DLGAP2: variants seen among roughly 807,000 people sequenced by gnomAD.
The protein encoded by DLGAP2 is disks large-associated protein 2.
DLGAP2 carries 26 observed loss-of-function variants against 100.3 expected under a neutral mutation model. The ratio of observed to expected loss-of-function variants is 0.26; its 90% CI spans 0.19 to 0.36. DLGAP2 has a LOEUF of 0.36. Ranked by LOEUF, DLGAP2 falls within the 10% of genes least tolerant of loss-of-function variation. The pLI, the probability that DLGAP2 is intolerant of heterozygous loss-of-function variation, is 1.00. For synonymous variants in DLGAP2, 886 were observed against 630.1 expected (o/e 1.41, Z -6.08); for missense variants, 1,858 against 1,453.2 (o/e 1.28, Z -4.53).
chr8:1,318,778 G>GCCCCCC (rs34614425), intron 3 of DLGAP2, among the ~76,000 whole-genome samples: 1 of 105,574 alleles, frequency 9.5e-6, no homozygotes, highest in Non-Finnish European at 1.8e-5. Context: ...TCAGTGATCA[G>GCCCCCC]CCCCCCCCCC....
chr8:1,248,981 G>A (rs1321829090), intron 2 of DLGAP2, among the ~76,000 whole-genome samples: 14 of 152,176 alleles, frequency 9.2e-5, no homozygotes, highest in Admixed American at 9.2e-4. Context: ...CAGCCACAAT[G>A]TAAGAGCAGG....
chr8:1,288,430 A>AGT lies in DLGAP2; in HGVS notation c.106+29567_106+29568dup, dbSNP rs1239357278. Among the ~76,000 whole-genome samples, 38 of 105,642 alleles carry AGT rather than the reference A, an allele frequency of 3.6e-4. 1 individual carries two copies. Among genetic ancestry groups the AGT allele is most frequent in the East Asian group, 2.2e-3 (7 of 3,170 alleles). The allele number at this position is 105,642 out of a possible 152,430, so 69.3% of individuals were successfully genotyped here. On this transcript the variant is annotated intron_variant, in intron 3 of 14. Coordinates refer to ENST00000637795, the MANE Select transcript of DLGAP2 (RefSeq NM_001346810.2). ...TTAGGAGGGGAACTTGTTTTGGTTCAGTGTGTGTGTGTGTGTGTGTGGTTC... is the reference window on the plus strand; with the variant it reads ...TTAGGAGGGGAACTTGTTTTGGTTCAGTGTGTGTGTGTGTGTGTGTGTGGTTC...
chr8:1,146,855 A>G (rs1452204768), intron 2 of DLGAP2, among the ~76,000 whole-genome samples: 9 of 152,218 alleles, frequency 5.9e-5, no homozygotes, highest in Non-Finnish European at 1.2e-4. Context: ...TATTAGAACC[A>G]TTGATCTCTT....
intron 1 of DLGAP2, among the ~76,000 whole-genome samples, chr8:804,727 G>A (rs1005857611): frequency 2.0e-5 from 3 of 152,080 alleles, no homozygotes; most frequent in Admixed American, 1.3e-4. Flanking sequence ...TCCAGCAAGG[G>A]CACTGGTTGT....
chr8:1,455,341 G>A (rs1798280408), intron 3 of DLGAP2, among the ~76,000 whole-genome samples: 1 of 152,250 alleles, frequency 6.6e-6, no homozygotes. Context: ...TTTCCCGATG[G>A]TGGGGCCAAG....
chr8:905,133 A>C (rs959771361), intron 1 of DLGAP2, among the ~76,000 whole-genome samples: 4 of 152,072 alleles, frequency 2.6e-5, no homozygotes, highest in Non-Finnish European at 5.9e-5. Context: ...TCTACCCTGG[A>C]AGGTTGATGA....
At chr8:1,296,509 G>T in intron 3 of DLGAP2, among the ~76,000 whole-genome samples, 1 of 149,274 alleles carries the variant, frequency 6.7e-6, no homozygotes, top group East Asian at 2.0e-4. Context: ...CTTGGTGCTC[G>T]TGCTGATCTT....
chr8:1,337,716 C>G (rs1182796634), intron 3 of DLGAP2, among the ~76,000 whole-genome samples: 1 of 152,124 alleles, frequency 6.6e-6, no homozygotes, highest in Non-Finnish European at 1.5e-5. Flanking sequence ...TTATTGACAT[C>G]TTTCGTGCTT....
At chr8:1,505,900 C>G (rs1271404541) in intron 4 of DLGAP2, among the ~76,000 whole-genome samples, 1 of 152,082 alleles carries the variant, frequency 6.6e-6, no homozygotes, top group Non-Finnish European at 1.5e-5. Flanking sequence ...TATATTGACC[C>G]AAATTTTGCA....
intron 1 of DLGAP2, among the ~76,000 whole-genome samples, chr8:896,376 A>G (rs1798141874): frequency 1.4e-5 from 2 of 143,936 alleles, no homozygotes; most frequent in Admixed American, 1.4e-4. Flanking sequence ...TGCCAGTTCC[A>G]CCTGGCACCC....
chr8:1,149,305 C>A (rs1796658340), intron 2 of DLGAP2, among the ~76,000 whole-genome samples: 1 of 152,102 alleles, frequency 6.6e-6, no homozygotes, highest in African/African-American at 2.4e-5. Context: ...GCCACCGCAC[C>A]CGGCTAATTT....
intron 1 of DLGAP2, among the ~76,000 whole-genome samples, chr8:756,097 G>C (rs111512387): frequency 6.6e-6 from 1 of 152,090 alleles, no homozygotes; most frequent in Non-Finnish European, 1.5e-5. Flanking sequence ...GGCTTTTTTT[G>C]TGCTAATAGT....
intron 2 of DLGAP2, among the ~76,000 whole-genome samples, chr8:1,141,525 A>C (rs561600376): frequency 6.6e-6 from 1 of 152,182 alleles, no homozygotes; most frequent in Admixed American, 6.5e-5. Context: ...GTTGTGGTCA[A>C]ATAGGATCTT....
chr8:805,116 A>T (rs1332580954), intron 1 of DLGAP2, among the ~76,000 whole-genome samples: 1 of 152,124 alleles, frequency 6.6e-6, no homozygotes, highest in African/African-American at 2.4e-5. Context: ...ACTGATTCGT[A>T]ATGGGAATGA....
intron 2 of DLGAP2, among the ~76,000 whole-genome samples, chr8:1,040,589 T>C (rs1802315729): frequency 6.7e-6 from 1 of 149,454 alleles, no homozygotes; most frequent in African/African-American, 2.5e-5. Flanking sequence ...CGTGGTCGGC[T>C]CAGTGTGCGT....
chr8:1,029,943 C>T (rs962823061), intron 2 of DLGAP2, among the ~76,000 whole-genome samples: 1 of 152,106 alleles, frequency 6.6e-6, no homozygotes, highest in Non-Finnish European at 1.5e-5. Flanking sequence ...GTGGTTGGTG[C>T]AGAGACCCGG....
At chr8:1,416,763 A>C (rs1355182390) in intron 3 of DLGAP2, among the ~76,000 whole-genome samples, 1 of 152,206 alleles carries the variant, frequency 6.6e-6, no homozygotes, top group East Asian at 1.9e-4. Flanking sequence ...TGGCTGCTTA[A>C]GAGGAGAGCC....
intron 2 of DLGAP2, among the ~76,000 whole-genome samples, chr8:978,933 C>T (rs1197472441): frequency 6.6e-6 from 1 of 152,182 alleles, no homozygotes; most frequent in African/African-American, 2.4e-5. Context: ...TAATCTTTCT[C>T]TGCTGGCAAC....
At position 829,801 on chromosome 8, in the gene DLGAP2, C is replaced by G. The variant is rs566898398; in HGVS notation, c.19-78111C>G. Among the ~76,000 whole-genome samples, 13 of 152,204 alleles carry G rather than the reference C, an allele frequency of 8.5e-5. No individual in the cohort carries two copies. In the South Asian group the frequency reaches 2.5e-3, roughly 29 times the overall value. ...TATTAACGAAAATTGATATCTTGTG[C>G]CTATTATAATAACTGCAGTATATTA... On this transcript the variant is annotated intron_variant, in intron 1 of 14. Transcript: ENST00000637795.
Sources: gnomAD v4.1 joint callset for allele counts (sites outside exome capture counted in the v4.1 genomes callset) on GRCh38, gnomAD v4.1.1 for gene constraint, MANE v1.5 for transcripts, NCBI Gene and HGNC (gene_info 2026-07-23, HGNC 2026-07-21) for gene names.